The following ZNF883 variants were observed in gnomAD, a reference collection of about 807,000 sequenced individuals.
ZNF883 encodes zinc finger protein 883.
chr9:113,001,360 C>A (rs925989692), upstream of ZNF883, among the ~76,000 whole-genome samples: 5 of 151,828 alleles, frequency 3.3e-5, no homozygotes, highest in Non-Finnish European at 7.4e-5. Flanking sequence ...TAAATCAGGC[C>A]CTAAAACAAG....
At chr9:113,010,137 T>C (rs74668475) in intron 2 of ZNF883, among the ~76,000 whole-genome samples, 3,937 of 152,250 alleles carry the variant, frequency 0.026, 61 homozygotes, top group Non-Finnish European at 0.035. Context: ...CTTAGAACAT[T>C]AGCTGGCAAA....
downstream of ZNF883, among the ~76,000 whole-genome samples, chr9:112,996,774 G>A (rs1283194725): frequency 8.7e-5 from 10 of 115,322 alleles, no homozygotes; most frequent in African/African-American, 2.9e-4. Flanking sequence ...CTGGGCGACA[G>A]AGCGAGACTC....
chr9:113,010,929 T>C (rs1024040036), intron 2 of ZNF883, among the ~76,000 whole-genome samples: 2 of 145,216 alleles, frequency 1.4e-5, no homozygotes, highest in Admixed American at 7.3e-5. Flanking sequence ...GAGGTTGCAG[T>C]GAGCCAAGAT....
upstream of ZNF883, among the ~76,000 whole-genome samples, chr9:112,999,329 G>A (rs1408931981): frequency 6.6e-6 from 1 of 152,134 alleles, no homozygotes; most frequent in African/African-American, 2.4e-5. Flanking sequence ...TATAGCCACA[G>A]CCTATTCTTC....
exon 1 of ZNF883, chr9:112,998,130 T>C (rs760637047): frequency 4.3e-6 from 7 of 1,613,984 alleles, no homozygotes; most frequent in South Asian, 3.3e-5. Flanking sequence ...CCACATATTT[T>C]ACATTCATAA....
upstream of ZNF883, among the ~76,000 whole-genome samples, chr9:113,000,475 A>G (rs569533507): frequency 6.6e-4 from 101 of 152,292 alleles, no homozygotes; most frequent in Non-Finnish European, 1.3e-3. Context: ...TAAAAGAACA[A>G]TGGTCAAACT....
intron 2 of ZNF883, among the ~76,000 whole-genome samples, chr9:113,005,273 A>G (rs1214079301): frequency 6.6e-6 from 1 of 152,206 alleles, no homozygotes; most frequent in Non-Finnish European, 1.5e-5. Context: ...TTTGCAACTA[A>G]TAAAGCAAAA....
downstream of ZNF883, among the ~76,000 whole-genome samples, chr9:112,993,511 G>C (rs188979440): frequency 6.6e-6 from 1 of 152,322 alleles, no homozygotes; most frequent in African/African-American, 2.4e-5. Flanking sequence ...CTGTTGGGGA[G>C]ATCTCCCCAG....
exon 1 of ZNF883, chr9:112,997,552 G>A (rs1187479736): frequency 1.2e-6 from 2 of 1,614,146 alleles, no homozygotes; most frequent in Non-Finnish European, 8.5e-7. Context: ...TACACTCATA[G>A]GGTTTTTCTC....
chr9:113,008,983 G>T (rs773829166), intron 2 of ZNF883, among the ~76,000 whole-genome samples: 3 of 152,042 alleles, frequency 2.0e-5, no homozygotes, highest in Non-Finnish European at 4.4e-5. Flanking sequence ...TGGATGAAGT[G>T]TTGGTTGGCT....
chr9:112,989,902 T>G (rs555107175), intron 1 of ZNF883, among the ~76,000 whole-genome samples: 5 of 152,190 alleles, frequency 3.3e-5, no homozygotes, highest in African/African-American at 9.6e-5. Context: ...GAGTTTATGA[T>G]TTGGCTTTCT....
intron 2 of ZNF883, among the ~76,000 whole-genome samples, chr9:113,003,284 C>T (rs889659948): frequency 6.6e-6 from 1 of 152,134 alleles, no homozygotes; most frequent in Admixed American, 6.6e-5. Context: ...TCTTGCCCAC[C>T]ACCATGTAAG....
chr9:113,006,405 T>C (rs988974317), intron 2 of ZNF883, among the ~76,000 whole-genome samples: 2 of 152,184 alleles, frequency 1.3e-5, no homozygotes, highest in Admixed American at 1.3e-4. Context: ...CCCATGCTAC[T>C]ATACATATGG....
intron 2 of ZNF883, among the ~76,000 whole-genome samples, chr9:113,010,715 C>T (rs1357888266): frequency 3.3e-5 from 5 of 152,028 alleles, no homozygotes; most frequent in Non-Finnish European, 5.9e-5. Flanking sequence ...AGGCCGGGCA[C>T]GGTGACTCAC....
At chr9:113,009,667 G>A (rs1888284) in intron 2 of ZNF883, among the ~76,000 whole-genome samples, 71,528 of 151,962 alleles carry the variant, frequency 0.47, 18,039 homozygotes, top group African/African-American at 0.66. Context: ...ATGCCGCCAC[G>A]CCCAGCTAAT....
chr9:113,012,070 C>T (rs892275030), intron 1 of ZNF883, 80 bp downstream of exon 1: 1 of 152,340 alleles, frequency 6.6e-6, no homozygotes, highest in Admixed American at 6.5e-5. Flanking sequence ...TCTCCCGACC[C>T]GCCCGAATGG....
intron 2 of ZNF883, among the ~76,000 whole-genome samples, chr9:113,005,637 G>C (rs1828467672): frequency 6.6e-6 from 1 of 152,136 alleles, no homozygotes; most frequent in Admixed American, 6.6e-5. Flanking sequence ...TTACCTTTGA[G>C]TCATAAACAT....
upstream of ZNF883, chr9:112,998,383 A>T: frequency 1.4e-6 from 1 of 711,748 alleles, no homozygotes; most frequent in Non-Finnish European, 2.0e-6. Flanking sequence ...CCTTTCTTAT[A>T]TCTAATAAAT....
In ZNF883 at chr9:113,011,808, GC is replaced by G. The variant is rs759172482; in HGVS notation, n.78+341del. Among the ~76,000 whole-genome samples, 5 of 152,096 alleles carry G rather than the reference GC, an allele frequency of 3.3e-5. No homozygotes were observed. The East Asian group carries it at 7.7e-4, about 24-fold the overall frequency. On this transcript the variant is annotated intron_variant and non_coding_transcript_variant, in intron 1 of 4. Coordinates refer to the ZNF883 transcript ENST00000638622. ...GTGGTTGCCCCTCCCCAGATAAACT[GC>G]CCCCCATCACAGTCAAAGCAAGGCC...
Sources: gnomAD v4.1 joint callset for allele counts (sites outside exome capture counted in the v4.1 genomes callset) on GRCh38, gnomAD v4.1.1 for gene constraint, MANE v1.5 for transcripts, NCBI Gene and HGNC (gene_info 2026-07-23, HGNC 2026-07-21) for gene names.